Variants in LRRC8D observed in about 807,000 individuals in gnomAD.
The protein encoded by LRRC8D is volume-regulated anion channel subunit LRRC8D.
Under a neutral mutation model 55.8 loss-of-function variants are expected in LRRC8D, and 20 were observed. The observed-to-expected ratio is 0.36, with a 90% CI of 0.25 to 0.52. The LOEUF (loss-of-function observed/expected upper bound fraction) is 0.52, where lower values mean the gene tolerates loss of function less well. Ranked by LOEUF, LRRC8D falls within the 20% of genes least tolerant of loss-of-function variation. LRRC8D has a pLI of 0.93. For synonymous variants in LRRC8D, 352 were observed against 377.0 expected, an observed-to-expected ratio of 0.93 and a Z score of 0.77; for missense variants, 651 against 1,030.8, an observed-to-expected ratio of 0.63 and a Z score of 5.05.
At chr1:89,930,925 G>A (rs1202012063) in intron 2 of LRRC8D, among the ~76,000 whole-genome samples, 1 of 151,604 alleles carries the variant, frequency 6.6e-6, no homozygotes, top group Admixed American at 6.6e-5. Flanking sequence ...AGAATAAAAG[G>A]AGTTCAAGTG....
intron 1 of LRRC8D, among the ~76,000 whole-genome samples, chr1:89,826,543 C>T (rs908136606): frequency 5.3e-5 from 8 of 152,284 alleles, no homozygotes; most frequent in South Asian, 4.1e-4. Flanking sequence ...TGAGCCACCG[C>T]GCCTGGCTAC....
In LRRC8D at chr1:89,928,878, G is replaced by C. The variant is rs560756220; in HGVS notation, c.-2-4189G>C. Among the ~76,000 whole-genome samples the C allele has an allele frequency of 7.9e-5, 12 of 152,268 alleles. No individual in the cohort carries two copies. In the East Asian group the frequency reaches 2.3e-3, roughly 29 times the overall value. On this transcript the variant is annotated intron_variant, in intron 2 of 2. Coordinates refer to ENST00000337338, the MANE Select transcript of LRRC8D (RefSeq NM_001134479.2). ...CTTTAACTGTTTATTTTTATGCTGGGACCTGGCTTAGAGTGTTCATTCTTG... is the reference window on the plus strand; with the variant it reads ...CTTTAACTGTTTATTTTTATGCTGGCACCTGGCTTAGAGTGTTCATTCTTG...
chr1:89,850,648 T>C (rs775188097), intron 2 of LRRC8D, among the ~76,000 whole-genome samples: 1 of 152,228 alleles, frequency 6.6e-6, no homozygotes, highest in Non-Finnish European at 1.5e-5. Context: ...CAAGGAATAC[T>C]ACTCCTTGGT....
chr1:89,914,858 G>A (rs143390197), intron 2 of LRRC8D, among the ~76,000 whole-genome samples: 134 of 152,140 alleles, frequency 8.8e-4, no homozygotes, highest in Non-Finnish European at 1.5e-3. Context: ...GTCACTGCAC[G>A]GGGCCGTGTC....
At chr1:89,910,022 T>G (rs1434585831) in intron 2 of LRRC8D, among the ~76,000 whole-genome samples, 1 of 152,236 alleles carries the variant, frequency 6.6e-6, no homozygotes, top group Non-Finnish European at 1.5e-5. Flanking sequence ...GTACATATTT[T>G]GTACTTACGA....
intron 1 of LRRC8D, among the ~76,000 whole-genome samples, chr1:89,829,656 C>T (rs1023277045): frequency 5.9e-5 from 9 of 152,292 alleles, no homozygotes; most frequent in East Asian, 1.9e-4. Flanking sequence ...TCCTCTGGTT[C>T]GTGCTGCGTG....
At chr1:89,850,750 G>A (rs1661392425) in intron 2 of LRRC8D, among the ~76,000 whole-genome samples, 2 of 152,100 alleles carry the variant, frequency 1.3e-5, no homozygotes, top group African/African-American at 2.4e-5. Flanking sequence ...TGTTTTAATT[G>A]TTGCATGTAC....
At position 89,866,511 on chromosome 1, in the gene LRRC8D, A is replaced by G. The variant is rs1026133480; in HGVS notation, c.-3+22729A>G. On this transcript the variant is annotated intron_variant, in intron 2 of 2. Transcript: ENST00000337338. ...AGAGATCCTTAGACCCCTGTTTGAG[A>G]ACACTTGCTTACAGCATTCATAGAC... Among the ~76,000 whole-genome samples, 8 of 152,214 alleles carry G rather than the reference A, an allele frequency of 5.3e-5. 1 individual carries two copies. The highest frequency in any genetic ancestry group is 4.6e-4 in the Admixed American group (7 of 15,284).
chr1:89,899,135 A>G (rs1662785091), intron 2 of LRRC8D, among the ~76,000 whole-genome samples: 1 of 151,650 alleles, frequency 6.6e-6, no homozygotes, highest in South Asian at 2.1e-4. Flanking sequence ...TGTAGATTCA[A>G]GGGCCTACCC....
chr1:89,860,785 A>AAAATATATATAT (rs1553123917), intron 2 of LRRC8D, among the ~76,000 whole-genome samples: 4 of 28,196 alleles, frequency 1.4e-4, no homozygotes, highest in Non-Finnish European at 2.9e-4. Context: ...AAAAAAAAAA[A>AAAATATATATAT]ATATATATAT....
intron 2 of LRRC8D, among the ~76,000 whole-genome samples, chr1:89,852,268 A>G (rs543232679): frequency 2.5e-4 from 38 of 152,190 alleles, no homozygotes; most frequent in Non-Finnish European, 5.3e-4. Flanking sequence ...TACCTGACTA[A>G]ACTTACATGC....
chr1:89,860,785 A>AAAAATATATATAT (rs1553123917), intron 2 of LRRC8D, among the ~76,000 whole-genome samples: 3 of 28,188 alleles, frequency 1.1e-4, no homozygotes, highest in African/African-American at 2.0e-4. Flanking sequence ...AAAAAAAAAA[A>AAAAATATATATAT]ATATATATAT....
chr1:89,889,903 A>G (rs985305037), intron 2 of LRRC8D, among the ~76,000 whole-genome samples: 5 of 145,872 alleles, frequency 3.4e-5, no homozygotes, highest in Non-Finnish European at 7.5e-5. Flanking sequence ...ATAAAATAAA[A>G]TAGGCCGGAT....
intron 2 of LRRC8D, among the ~76,000 whole-genome samples, chr1:89,863,659 A>AG (rs79443646): frequency 0.35 from 52,836 of 151,738 alleles, 9,733 homozygotes; most frequent in African/African-American, 0.46. Context: ...GGTCTGTGTT[A>AG]TTTAGTTCTT....
At chr1:89,856,800 G>A (rs1281499796) in intron 2 of LRRC8D, among the ~76,000 whole-genome samples, 1 of 152,112 alleles carries the variant, frequency 6.6e-6, no homozygotes, top group Admixed American at 6.5e-5. Flanking sequence ...AGTGGTTATT[G>A]ATACAGTTGG....
chr1:89,901,535 A>C (rs1219671753), intron 2 of LRRC8D, among the ~76,000 whole-genome samples: 1 of 151,978 alleles, frequency 6.6e-6, no homozygotes, highest in African/African-American at 2.4e-5. Flanking sequence ...TGTCTCCTTC[A>C]TACTTCCCTT....
intron 2 of LRRC8D, among the ~76,000 whole-genome samples, chr1:89,928,146 T>A (rs1663614914): frequency 6.6e-6 from 1 of 152,208 alleles, no homozygotes; most frequent in Admixed American, 6.5e-5. Flanking sequence ...CTCGCCGCAC[T>A]GCAACCTCCG....
chr1:89,856,747 A>G (rs973264284), intron 2 of LRRC8D, among the ~76,000 whole-genome samples: 3 of 152,116 alleles, frequency 2.0e-5, no homozygotes, highest in African/African-American at 4.8e-5. Context: ...TACTCTGACA[A>G]TCTGTGTCTT....
chr1:89,886,720 G>A (rs17130918), intron 2 of LRRC8D, among the ~76,000 whole-genome samples: 7,282 of 152,164 alleles, frequency 0.048, 597 homozygotes, highest in African/African-American at 0.17. Context: ...TCAAATAGAA[G>A]TATGCATATG....
Sources: allele counts gnomAD v4.1 joint callset (sites outside exome capture counted in the v4.1 genomes callset), GRCh38; gene constraint gnomAD v4.1.1; transcripts MANE v1.5; gene names NCBI Gene and HGNC (gene_info 2026-07-23, HGNC 2026-07-21).